Variants in ZNF343 observed in about 807,000 individuals in gnomAD.
The protein encoded by ZNF343 is zinc finger protein 343.
Under a neutral mutation model 13.8 loss-of-function variants are expected in ZNF343, and 11 were observed. That is an observed-to-expected ratio of 0.80 (90% CI 0.50 to 1.32). The LOEUF is 1.32. ZNF343 is among the 40% of genes most tolerant of loss of function. The pLI is 0.00. For synonymous variants in ZNF343, 248 were observed against 260.0 expected (o/e 0.95, Z 0.44); for missense variants, 658 against 714.2 (o/e 0.92, Z 0.90).
intron 1 of ZNF343, among the ~76,000 whole-genome samples, chr20:2,501,979 T>C (rs1600068602): frequency 6.6e-6 from 1 of 152,042 alleles, no homozygotes; most frequent in East Asian, 1.9e-4. Flanking sequence ...CTTTGACAAG[T>C]TGAGAGAAGA....
Position 2,518,416 on chromosome 20 carries a change from TGCCAGTTAGA to T in ZNF343, c.-347+6029_-347+6038del, listed in dbSNP as rs1350856470. Among the ~76,000 whole-genome samples the T allele has an allele frequency of 1.3e-5, 2 of 152,228 alleles. No individual in the cohort carries two copies. Among genetic ancestry groups the T allele is most frequent in the Non-Finnish European group, 2.9e-5 (2 of 68,038 alleles). ...ATTGCTCTTAAAAGATCCTTCTTAT[TGCCAGTTAGA>T]GCAAATTAAGTAGAATCTAGAATTC... On this transcript the variant is annotated intron_variant, in intron 1 of 6. Coordinates refer to the ZNF343 transcript ENST00000358413. This position sits in a 1 kb window ranked among gnomAD's most constrained non-coding sequence, Gnocchi z 4.6.
At chr20:2,520,810 C>T (rs972760688) in intron 1 of ZNF343, among the ~76,000 whole-genome samples, 1 of 152,144 alleles carries the variant, frequency 6.6e-6, no homozygotes, top group African/African-American at 2.4e-5. Flanking sequence ...TATTCAGCCT[C>T]TGGAAGAGAA....
chr20:2,494,106 CCTCTTCAACAGGGAT>C, intron 2 of ZNF343, 62 bp from the exon 3 acceptor site: 2 of 537,384 alleles, frequency 3.7e-6, no homozygotes, highest in South Asian at 4.5e-5. Context: ...TAGGCCTATG[CCTCTTCAACAGGGAT>C]CCTGTCCTCT....
rs1416631549 is a variant in ZNF343, at chr20:2,483,498, G to T, written c.1463C>A (p.Ser488Ter). Reference protein sequence around the residue: ...SLLLVHQRTHSGEKHYVCREC... With the variant: ...SLLLVHQRTH ...CCTGCAGACATAATGCTTCTCCCCTGAGTGTGTCCTCTGGTGGACAAGGAG... is the reference window on the plus strand; with the variant it reads ...CCTGCAGACATAATGCTTCTCCCCTTAGTGTGTCCTCTGGTGGACAAGGAG... Residue 488 changes from serine to a stop codon, truncating the protein, a stop_gained, in exon 6 of 6, where the codon TCA becomes TAA. Transcript: ENST00000278772. LOFTEE classifies it low-confidence loss of function (END_TRUNC). 6.2e-7 allele frequency: 1 copy of T among 1,611,738 alleles called. No individual in the cohort carries two copies. The highest frequency in any genetic ancestry group is 1.1e-5 in the South Asian group (1 of 90,912).
rs533461489 is a variant in ZNF343 at position 2,506,525 on chromosome 20, G to A, written c.-237+2356C>T. Among the ~76,000 whole-genome samples the A allele has an allele frequency of 7.2e-5, 11 of 152,210 alleles. No individual in the cohort carries two copies. In the South Asian group the frequency reaches 2.1e-3, roughly 29 times the overall value. ...GTTTATTGCGGCACTATTCACAATA[G>A]CAAAGACTTGGAACCAACCCAAATG... On this transcript the variant is annotated intron_variant, in intron 1 of 5. Transcript: ENST00000278772.
Position 2,494,035 on chromosome 20 carries a change from C to A in ZNF343, c.-140G>T. The A allele has an allele frequency of 3.0e-6, 2 of 674,324 alleles. No individual in the cohort carries two copies. Among genetic ancestry groups the A allele is most frequent in the Non-Finnish European group, 5.2e-6 (2 of 383,598 alleles). 41.8% of individuals were successfully genotyped at this position (674,324 alleles called of 1,614,324 possible). A position where few individuals can be genotyped will look rare whatever the true frequency, so the allele number is the denominator to read the frequency against. On this transcript the variant is annotated 5_prime_UTR_variant, in exon 3 of 6. Transcript: ENST00000278772. ...ATAAAAAGCCCAGCTTGTTTCCCTGCAGCCAGGACCTGTGGGATGAAGAAG... is the reference window on the plus strand; with the variant it reads ...ATAAAAAGCCCAGCTTGTTTCCCTGAAGCCAGGACCTGTGGGATGAAGAAG...
At chr20:2,499,054 G>A (rs2085510143) in intron 2 of ZNF343, among the ~76,000 whole-genome samples, 1 of 152,058 alleles carries the variant, frequency 6.6e-6, no homozygotes, top group Non-Finnish European at 1.5e-5. Flanking sequence ...TGTCCAGGCT[G>A]AGTTCAAGTG....
In ZNF343 at chr20:2,483,364, T is replaced by C. The variant is rs775010836; in HGVS notation, c.1597A>G (p.Lys533Glu). 2 of 1,612,634 alleles carry C rather than the reference T, an allele frequency of 1.2e-6. No homozygotes were observed. Among genetic ancestry groups the C allele is most frequent in the Non-Finnish European group, 1.7e-6 (2 of 1,179,714 alleles). ...CTCTCATGTACAATGAGGGTTGACTTGTCACAAAAGCCTCGCCCACATTCC... is the reference window on the plus strand; with the variant it reads ...CTCTCATGTACAATGAGGGTTGACTCGTCACAAAAGCCTCGCCCACATTCC... Reference protein sequence around the residue: ...CRECGRGFCDKSTLIVHERTH... With the variant: ...CRECGRGFCDESTLIVHERTH... The change falls in exon 6 of 6, where the codon AAG (lysine) becomes GAG (glutamate). Residue 533 changes from lysine to glutamate, a missense_variant. Coordinates refer to ENST00000278772, the MANE Select transcript of ZNF343 (RefSeq NM_024325.6).
intron 1 of ZNF343, among the ~76,000 whole-genome samples, chr20:2,503,273 T>C (rs1228922156): frequency 6.6e-6 from 1 of 152,190 alleles, no homozygotes; most frequent in African/African-American, 2.4e-5. Flanking sequence ...CCTAAATATA[T>C]ATGCACCCAA....
chr20:2,522,812 G>A (rs368866675), intron 1 of ZNF343, among the ~76,000 whole-genome samples: 2 of 152,320 alleles, frequency 1.3e-5, no homozygotes, highest in Non-Finnish European at 2.9e-5. Context: ...TTAGCCAGGT[G>A]TAGTAGCTTG....
chr20:2,517,134 A>C (rs1488285431), intron 1 of ZNF343, among the ~76,000 whole-genome samples: 2 of 152,226 alleles, frequency 1.3e-5, no homozygotes, highest in Non-Finnish European at 2.9e-5. Context: ...GGAATATTTC[A>C]AATGATATGT....
rs2085250506 is a variant in ZNF343, at chr20:2,484,505, T to C, written c.456A>G (p.Lys152=). ...HPGNSSPGHW[K]QQGQQYSHVS... The stretch of plus-strand genomic sequence containing the variant: ...CATGGGAATACTGCTGCCCCTGCTG[T>C]TTCCAATGCCCTGGGCTAGAATTCC... The change falls in exon 6 of 6, where the codon AAA becomes AAG. Residue 152 remains lysine, a synonymous_variant. Transcript: ENST00000278772. 7 of 1,614,216 alleles carry C rather than the reference T, an allele frequency of 4.3e-6. No individual in the cohort carries two copies. The highest frequency in any genetic ancestry group is 5.9e-6 in the Non-Finnish European group (7 of 1,180,042).
chr20:2,520,986 T>C (rs6083536), intron 1 of ZNF343, among the ~76,000 whole-genome samples: 55,022 of 152,074 alleles, frequency 0.36, 11,229 homozygotes, highest in Non-Finnish European at 0.45. Flanking sequence ...TGGGAAGTCT[T>C]TAATGAGTGG....
chr20:2,482,045 C>T lies in ZNF343; in HGVS notation c.*1116G>A, dbSNP rs1214976194. 6.6e-6 allele frequency: 1 copy of T among 152,224 alleles called. No homozygotes were observed. Among genetic ancestry groups the T allele is most frequent in the East Asian group, 1.9e-4 (1 of 5,192 alleles). 9.4% of individuals were successfully genotyped at this position (152,224 alleles called of 1,614,324 possible). A position where few individuals can be genotyped will look rare whatever the true frequency, so the allele number is the denominator to read the frequency against. On this transcript the variant is annotated 3_prime_UTR_variant, in exon 6 of 6. Coordinates refer to ENST00000278772, the MANE Select transcript of ZNF343 (RefSeq NM_024325.6). The stretch of plus-strand genomic sequence containing the variant: ...TGACATCGGGATGAAGCTCCACCCA[C>T]AAGCCCTGCCCACAGAGGTCTTCTC...
intron 1 of ZNF343, among the ~76,000 whole-genome samples, chr20:2,506,910 C>T (rs966255686): frequency 9.3e-5 from 14 of 150,750 alleles, no homozygotes; most frequent in Admixed American, 2.0e-4. Context: ...CTAACCTGCA[C>T]GTTGCGCACA....
Position 2,483,870 on chromosome 20 carries a change from T to G in ZNF343, c.1091A>C (p.Glu364Ala), listed in dbSNP as rs1335335069. Residue 364 changes from glutamate (E) to alanine (A), a missense_variant, in exon 6 of 6, where the codon GAG becomes GCG. By Grantham distance (107) the Glu-to-Ala change is moderately radical. Transcript: ENST00000278772. ...VCSECGRGFS[E>A]KSSFIRHQRT... The stretch of plus-strand genomic sequence containing the variant: ...CTGGTGTCTGATGAAGGATGACTTC[T>G]CGCTAAAGCCTCGCCCACACTCGCT... The G allele has an allele frequency of 3.7e-6, 6 of 1,613,958 alleles. No individual in the cohort carries two copies. Among genetic ancestry groups the G allele is most frequent in the Non-Finnish European group, 5.1e-6 (6 of 1,179,964 alleles).
Position 2,484,508 on chromosome 20 carries a change from C to A in ZNF343, c.453G>T (p.Trp151Cys), listed in dbSNP as rs775432868. The change falls in exon 6 of 6, where the codon TGG becomes TGT. Residue 151 changes from tryptophan (W) to cysteine (C), a missense_variant. Transcript: ENST00000278772. ...GGGAATACTGCTGCCCCTGCTGTTT[C>A]CAATGCCCTGGGCTAGAATTCCCTG... is the stretch of plus-strand genomic sequence containing the variant. The part of the protein sequence containing the change: ...FHPGNSSPGH[W>C]KQQGQQYSHV... 1.2e-6 allele frequency: 2 copies of A among 1,614,224 alleles called. No individual in the cohort carries two copies. Among genetic ancestry groups the A allele is most frequent in the East Asian group, 4.5e-5 (2 of 44,882 alleles).
chr20:2,483,278 T>C lies in ZNF343; in HGVS notation c.1683A>G (p.Lys561=), dbSNP rs2085201053. ...CSECGRGFSR[K]SLLLVHQRTH... ...TCCTCTGGTGGACAAGGAGGAGTGA[T>C]TTCCGGCTAAAGCCTCGGCCACACT... The change falls in exon 6 of 6, where the codon AAA becomes AAG. Residue 561 remains lysine, a synonymous_variant. Transcript: ENST00000278772. 1 of 1,605,682 alleles carries C rather than the reference T, an allele frequency of 6.2e-7. No homozygotes were observed. Among genetic ancestry groups the C allele is most frequent in the Non-Finnish European group, 8.5e-7 (1 of 1,176,862 alleles).
intron 2 of ZNF343, among the ~76,000 whole-genome samples, chr20:2,498,593 G>A (rs1321646210): frequency 6.6e-6 from 1 of 152,162 alleles, no homozygotes; most frequent in Admixed American, 6.5e-5. Flanking sequence ...AAGGTGAGCT[G>A]AGAGATAATT....
Sources: gnomAD v4.1 joint callset for allele counts (sites outside exome capture counted in the v4.1 genomes callset) on GRCh38, gnomAD v4.1.1 for gene constraint, Gnocchi (gnomAD v3.1) non-coding constraint, MANE v1.5 for transcripts, NCBI Gene and HGNC (gene_info 2026-07-23, HGNC 2026-07-21) for gene names.